The following TBC1D1 variants were observed in gnomAD, a reference collection of about 807,000 sequenced individuals.
TBC1D1 encodes TBC1 domain family member 1, also known as TBC1 (tre-2/USP6, BUB2, cdc16) domain family, member 1.
A neutral mutation model predicts 125.6 loss-of-function variants in TBC1D1; 89 were observed. The ratio of observed to expected loss-of-function variants is 0.71; its 90% confidence interval spans 0.60 to 0.85. The LOEUF (loss-of-function observed/expected upper bound fraction) is 0.85. Ranked by LOEUF, TBC1D1 falls within the 40% of genes least tolerant of loss-of-function variation. The pLI, the probability that TBC1D1 is intolerant of heterozygous loss-of-function variation, is 0.00. For synonymous variants in TBC1D1, 565 were observed against 564.1 expected, an observed-to-expected ratio of 1.00 and a Z score of -0.02; for missense variants, 1,377 against 1,469.2, an observed-to-expected ratio of 0.94 and a Z score of 1.03.
intron 2 of TBC1D1, among the ~76,000 whole-genome samples, chr4:38,012,426 C>A (rs1053008397): frequency 9.9e-5 from 15 of 152,086 alleles, no homozygotes; most frequent in African/African-American, 3.4e-4. Flanking sequence ...AGGCGCACAC[C>A]ACCTTGGCTG....
rs151241768 is a variant in TBC1D1 at position 37,944,821 on chromosome 4, C to T, written c.417+42309C>T. ...GCCTCGCCCTGCTTCGGCTCACACTCGGTGGGCTGCACCCACTGTCCTGCA... is the reference window on the plus strand; with the variant it reads ...GCCTCGCCCTGCTTCGGCTCACACTTGGTGGGCTGCACCCACTGTCCTGCA... On this transcript the variant is annotated intron_variant, in intron 2 of 19. Coordinates refer to ENST00000261439, the MANE Select transcript of TBC1D1 (RefSeq NM_015173.4). Among the ~76,000 whole-genome samples, 714 of 152,344 alleles carry T rather than the reference C, an allele frequency of 4.7e-3. 9 individuals are homozygous for T. The highest frequency in any genetic ancestry group is 0.016 in the African/African-American group (661 of 41,574).
chr4:38,045,941 C>G, intron 10 of TBC1D1, 38 bp downstream of exon 10: 2 of 1,556,310 alleles, frequency 1.3e-6, no homozygotes, highest in Non-Finnish European at 1.8e-6. Flanking sequence ...CCTGAAGAAA[C>G]CAACAAATAG....
chr4:37,960,901 A>C, intron 2 of TBC1D1: 1 of 1,614,176 alleles, frequency 6.2e-7, no homozygotes, highest in African/African-American at 1.3e-5. Context: ...GGAGAGCTTG[A>C]AAAGCTGTTT....
rs1055700879 is a variant in TBC1D1, at chr4:37,977,890, C to T, written c.418-36619C>T. 6.6e-6 allele frequency among the ~76,000 whole-genome samples: 1 copy of T among 152,070 alleles called. No individual in the cohort carries two copies. Among genetic ancestry groups the T allele is most frequent in the Non-Finnish European group, 1.5e-5 (1 of 67,982 alleles). ...GGCGCGGGACCTCGCGGAAGTCGAC[C>T]CCGCGTGTCTCCCTCGCGGGTGTCG... is the stretch of plus-strand genomic sequence containing the variant. On this transcript the variant is annotated intron_variant, in intron 2 of 19. Transcript: ENST00000261439. The surrounding 1 kb of genome is among the most constrained non-coding windows in gnomAD (Gnocchi z 4.3).
At chr4:38,007,290 T>C (rs887520674) in intron 2 of TBC1D1, among the ~76,000 whole-genome samples, 5 of 152,172 alleles carry the variant, frequency 3.3e-5, no homozygotes, top group African/African-American at 1.2e-4. Context: ...TCTTGCTCTG[T>C]CGCCCAGGCT....
chr4:37,932,027 A>T (rs1723370161), intron 2 of TBC1D1, among the ~76,000 whole-genome samples: 1 of 152,358 alleles, frequency 6.6e-6, no homozygotes, highest in South Asian at 2.1e-4. Context: ...ATTTGGAATC[A>T]TCTGAGAAAA....
chr4:38,037,949 C>A (rs1456072164), intron 8 of TBC1D1, among the ~76,000 whole-genome samples: 1 of 152,226 alleles, frequency 6.6e-6, no homozygotes, highest in African/African-American at 2.4e-5. Context: ...GTCGTTTCCA[C>A]CTGTATTCAC....
chr4:38,068,086 C>T (rs77432449), intron 12 of TBC1D1, among the ~76,000 whole-genome samples: 1,600 of 152,296 alleles, frequency 0.011, 27 homozygotes, highest in African/African-American at 0.036. Flanking sequence ...TCTTCTGCTT[C>T]CTCTGCTTGG....
At chr4:38,021,823 G>T in intron 6 of TBC1D1, 105 bp downstream of exon 6, 1 of 1,272,040 alleles carries the variant, frequency 7.9e-7, no homozygotes, top group Non-Finnish European at 1.0e-6. Context: ...ACAGAGGCTT[G>T]TATTAGTCAC....
intron 18 of TBC1D1, among the ~76,000 whole-genome samples, chr4:38,128,109 G>A (rs1183776155): frequency 2.0e-5 from 3 of 152,230 alleles, no homozygotes; most frequent in Non-Finnish European, 4.4e-5. Flanking sequence ...ATCACAGCAT[G>A]TGAGAAGGTA....
chr4:38,062,404 G>T (rs553946448), intron 12 of TBC1D1, among the ~76,000 whole-genome samples: 1 of 151,922 alleles, frequency 6.6e-6, no homozygotes, highest in Non-Finnish European at 1.5e-5. Flanking sequence ...AGGGTTTTAG[G>T]GCATGGGCAA....
rs1306367614 is a variant in TBC1D1 at position 38,007,021 on chromosome 4, TGGAATCAGTCGGCCTGGCG to T, written c.418-7487_418-7469del. 1.5e-5 allele frequency: 6 copies of T among 405,868 alleles called. No individual in the cohort carries two copies. In the Admixed American group the frequency reaches 1.7e-4, roughly 12 times the overall value. 25.1% of individuals were successfully genotyped at this position (405,868 alleles called of 1,614,324 possible). ...AACAGTGTCACCATTTTCATAGACTTGGAATCAGTCGGCCTGGCGACTTCACCAAATAGCTGAGCACTGA... is the reference window on the plus strand; with the variant it reads ...AACAGTGTCACCATTTTCATAGACTTACTTCACCAAATAGCTGAGCACTGA... On this transcript the variant is annotated intron_variant, in intron 2 of 19. Coordinates refer to ENST00000261439, the MANE Select transcript of TBC1D1 (RefSeq NM_015173.4).
In TBC1D1 at chr4:37,995,714, AT is replaced by A; in HGVS notation, c.418-18792del. The A allele has an allele frequency of 1.9e-6, 1 of 526,222 alleles. No individual in the cohort carries two copies. The allele number at this position is 526,222 out of a possible 1,614,324, so 32.6% of individuals were successfully genotyped here. A position where few individuals can be genotyped will look rare whatever the true frequency, so the allele number is the denominator to read the frequency against. On this transcript the variant is annotated intron_variant, in intron 2 of 19. Transcript: ENST00000261439. The surrounding 1 kb of genome is among the most constrained non-coding windows in gnomAD (Gnocchi z 4.3). ...ACAGCATCCCCGTGTTCTGAGAAGT[AT>A]TTGGAAATGGTTGTCTGGACGGCTT...
chr4:38,025,455 A>G (rs1744886698), intron 6 of TBC1D1, among the ~76,000 whole-genome samples: 1 of 152,182 alleles, frequency 6.6e-6, no homozygotes, highest in South Asian at 2.1e-4. Context: ...GGCTATTTAG[A>G]GATGGGACCA....
At chr4:38,005,736 C>T (rs938168457) in intron 2 of TBC1D1, among the ~76,000 whole-genome samples, 1 of 152,196 alleles carries the variant, frequency 6.6e-6, no homozygotes, top group East Asian at 1.9e-4. Context: ...GAGGCAGATT[C>T]TGTTTATAGG....
At chr4:37,956,109 A>C (rs2890553) in intron 2 of TBC1D1, among the ~76,000 whole-genome samples, 95,788 of 151,586 alleles carry the variant, frequency 0.63, 31,065 homozygotes, top group East Asian at 0.96. Context: ...TTACTGCAAC[A>C]TCTGCCTCCC....
intron 7 of TBC1D1, among the ~76,000 whole-genome samples, chr4:38,034,051 T>A (rs1746732920): frequency 6.6e-6 from 1 of 152,212 alleles, no homozygotes; most frequent in Non-Finnish European, 1.5e-5. Flanking sequence ...GTGGTAAGAA[T>A]GTGTTTAGTT....
At chr4:37,915,046 C>G (rs760331084) in intron 2 of TBC1D1, among the ~76,000 whole-genome samples, 9 of 152,240 alleles carry the variant, frequency 5.9e-5, no homozygotes, top group Non-Finnish European at 1.2e-4. Context: ...TAACCACCTA[C>G]TTACCTGCCT....
intron 14 of TBC1D1, among the ~76,000 whole-genome samples, chr4:38,096,297 G>A (rs559240737): frequency 5.2e-4 from 79 of 152,194 alleles, no homozygotes; most frequent in Middle Eastern, 3.4e-3. Context: ...CCAGAAGGCC[G>A]GGAAATAGGA....
Sources: allele counts gnomAD v4.1 joint callset (sites outside exome capture counted in the v4.1 genomes callset), GRCh38; gene constraint gnomAD v4.1.1; non-coding constraint Gnocchi (gnomAD v3.1); transcripts MANE v1.5; gene names NCBI Gene and HGNC (gene_info 2026-07-23, HGNC 2026-07-21).